CHRDL1: variants seen among roughly 807,000 people sequenced by gnomAD.
CHRDL1 encodes chordin like 1, also known as chordin-like protein 1.
Under a neutral mutation model 40.9 loss-of-function variants are expected in CHRDL1, and 19 were observed. The ratio of observed to expected loss-of-function variants is 0.46; its 90% CI spans 0.32 to 0.68. The LOEUF is 0.68. Ranked by LOEUF, CHRDL1 falls within the 30% of genes least tolerant of loss-of-function variation. CHRDL1 has a pLI of 0.03. For missense variants in CHRDL1, 329 were observed against 352.1 expected (o/e 0.93, Z 0.53); for synonymous variants, 136 against 123.4 (o/e 1.10, Z -0.68).
chrX:110,763,837 C>T (rs1314273945), intron 2 of CHRDL1, among the ~76,000 whole-genome samples: 1 of 111,707 alleles, frequency 9.0e-6, no homozygotes, highest in African/African-American at 3.3e-5. Context: ...AGCGGATGTA[C>T]TAGTTTACAT....
At chrX:110,717,282 C>T (rs1349296388) in intron 6 of CHRDL1, among the ~76,000 whole-genome samples, 1 of 111,729 alleles carries the variant, frequency 9.0e-6, no homozygotes, top group African/African-American at 3.3e-5. Context: ...CTGAAGCACA[C>T]TAAAGTGTGA....
intron 2 of CHRDL1, among the ~76,000 whole-genome samples, chrX:110,781,757 C>A (rs181115893): frequency 9.8e-5 from 11 of 111,824 alleles, no homozygotes; most frequent in African/African-American, 3.2e-4. Flanking sequence ...TTCTGACTTG[C>A]AGGAAAGTCT....
chrX:110,681,770 G>A, intron 9 of CHRDL1, 121 bp from the exon 10 acceptor site: 1 of 536,385 alleles, frequency 1.9e-6, no homozygotes, highest in Non-Finnish European at 3.0e-6. Flanking sequence ...CAATTAACAA[G>A]AACATTCTTC....
At chrX:110,743,007 T>A (rs2071387915) in intron 4 of CHRDL1, among the ~76,000 whole-genome samples, 1 of 112,021 alleles carries the variant, frequency 8.9e-6, no homozygotes, top group African/African-American at 3.2e-5. Flanking sequence ...TACACCACAG[T>A]AACCACTAGT....
chrX:110,773,502 G>A (rs1319979399), intron 2 of CHRDL1, among the ~76,000 whole-genome samples: 1 of 110,592 alleles, frequency 9.0e-6, no homozygotes, highest in African/African-American at 3.3e-5. Flanking sequence ...GCCGAGGCGG[G>A]CGAATCACGA....
rs73637153 is a variant in CHRDL1 at position 110,694,115 on chromosome X, C to T, written c.778+48G>A. On this transcript the variant is annotated intron_variant, in intron 8 of 11. Coordinates refer to ENST00000372042, the MANE Select transcript of CHRDL1 (RefSeq NM_001143981.2). ...AGCTCCAGCCCTGCAAAGACCAGGG[C>T]TGCTGAAGCCTTGTTGTGGAAGTAT... is the stretch of plus-strand genomic sequence containing the variant. The T allele has an allele frequency of 4.8e-6, 5 of 1,046,216 alleles. No homozygotes were observed. In the African/African-American group the frequency reaches 9.3e-5, roughly 19 times the overall value. The allele number at this position is 1,046,216 out of a possible 1,213,427, so 86.2% of individuals were successfully genotyped here. A position where few individuals can be genotyped will look rare whatever the true frequency, so the allele number is the denominator to read the frequency against.
chrX:110,714,881 C>G (rs949908658), intron 6 of CHRDL1, among the ~76,000 whole-genome samples: 4 of 111,497 alleles, frequency 3.6e-5, no homozygotes, highest in Non-Finnish European at 7.5e-5. Flanking sequence ...ATGAGTAATA[C>G]GCTTATATAA....
intron 4 of CHRDL1, among the ~76,000 whole-genome samples, chrX:110,752,048 C>A (rs1421958887): frequency 2.7e-5 from 3 of 111,967 alleles, no homozygotes; most frequent in African/African-American, 9.7e-5. Context: ...TGTGTTCTCA[C>A]TCATATGTGG....
chrX:110,714,662 G>A (rs987437708), intron 6 of CHRDL1, among the ~76,000 whole-genome samples: 1 of 111,722 alleles, frequency 9.0e-6, no homozygotes, highest in Admixed American at 9.5e-5. Flanking sequence ...ATGAAGGCTA[G>A]GTCTGAGATT....
At chrX:110,721,766 T>C (rs1269512820) in intron 4 of CHRDL1, among the ~76,000 whole-genome samples, 1 of 112,211 alleles carries the variant, frequency 8.9e-6, no homozygotes, top group Non-Finnish European at 1.9e-5. Context: ...TCCATTCTTT[T>C]ATTTGTTGAC....
intron 9 of CHRDL1, among the ~76,000 whole-genome samples, chrX:110,682,365 T>C (rs912754137): frequency 3.6e-5 from 4 of 112,160 alleles, no homozygotes. Context: ...TCATTTAATG[T>C]GTAAACTAAA....
chrX:110,685,966 G>T (rs2148415175), intron 9 of CHRDL1, among the ~76,000 whole-genome samples: 1 of 104,137 alleles, frequency 9.6e-6, no homozygotes, highest in East Asian at 3.0e-4. Flanking sequence ...GTGGCTCGCT[G>T]CAGCCATTGC....
At chrX:110,737,931 T>C (rs1446067396) in intron 4 of CHRDL1, among the ~76,000 whole-genome samples, 2 of 111,825 alleles carry the variant, frequency 1.8e-5, no homozygotes, top group African/African-American at 6.5e-5. Flanking sequence ...TTTTTGGTTG[T>C]CACGAGTTGA....
chrX:110,750,311 G>A (rs1190165450), intron 4 of CHRDL1, among the ~76,000 whole-genome samples: 1 of 111,709 alleles, frequency 9.0e-6, no homozygotes, highest in Non-Finnish European at 1.9e-5. Flanking sequence ...AACTTGGCAG[G>A]GAAGTGGGGG....
In CHRDL1 at chrX:110,676,078, A is replaced by T; in HGVS notation, c.*153T>A. 1.9e-6 allele frequency: 1 copy of T among 512,977 alleles called. No homozygotes were observed. Among genetic ancestry groups the T allele is most frequent in the East Asian group, 3.6e-5 (1 of 27,671 alleles). The allele number at this position is 512,977 out of a possible 1,213,427, so 42.3% of individuals were successfully genotyped here. On this transcript the variant is annotated 3_prime_UTR_variant, in exon 12 of 12. Transcript: ENST00000372042. ...TTCAAGGGCTGACACACCACTCCAC[A>T]CAAAGGAGCAAATTATGCTGTGCAT... is the stretch of plus-strand genomic sequence containing the variant.
chrX:110,721,433 C>A lies in CHRDL1; in HGVS notation c.399G>T (p.Gly133=), dbSNP rs200543418. The A allele has an allele frequency of 3.3e-6, 4 of 1,209,506 alleles. No homozygotes were observed. The East Asian group carries it at 1.2e-4, about 36-fold the overall frequency. ...GATTGGGTTGCCGATTCTGAAAGAG[C>A]CCTTCAGCTACGAACAGCTCTCCAT... ...YQHGELFVAE[G]LFQNRQPNQC... is the part of the protein sequence containing the mutation. The change falls in exon 5 of 12, where the codon GGG becomes GGT. Residue 133 remains glycine (G), a synonymous_variant. Transcript: ENST00000372042.
chrX:110,731,270 T>G (rs768037473), intron 4 of CHRDL1, among the ~76,000 whole-genome samples: 36 of 111,808 alleles, frequency 3.2e-4, no homozygotes, highest in African/African-American at 1.1e-3. Context: ...GGGGGAATCC[T>G]ACAATGAGAT....
Position 110,689,065 on chromosome X carries a change from T to TACATATATATAAATATATATATAA in CHRDL1, c.779-263_779-262insTTATATATATATTTATATATATGT, listed in dbSNP as rs1482972019. 1.9e-4 allele frequency among the ~76,000 whole-genome samples: 3 copies of TACATATATATAAATATATATATAA among 15,585 alleles called. No individual in the cohort carries two copies. In the African/African-American group the frequency reaches 2.8e-3, roughly 15 times the overall value. The allele number at this position is 15,585 out of a possible 115,157, so 13.5% of individuals were successfully genotyped here. ...AGACATAGTAGGCAGTCCATAAATA[T>TACATATATATAAATATATATATAA]ATATATGTATATATATATATATATA... On this transcript the variant is annotated intron_variant, in intron 8 of 11. Transcript: ENST00000372042.
intron 4 of CHRDL1, among the ~76,000 whole-genome samples, chrX:110,723,431 A>G (rs1029355144): frequency 8.9e-6 from 1 of 112,005 alleles, no homozygotes; most frequent in African/African-American, 3.2e-5. Context: ...TTTTACATAC[A>G]TAATCTCATT....
Sources: allele counts gnomAD v4.1 joint callset (sites outside exome capture counted in the v4.1 genomes callset), GRCh38; gene constraint gnomAD v4.1.1; transcripts MANE v1.5; gene names NCBI Gene and HGNC (gene_info 2026-07-23, HGNC 2026-07-21).